The following LY6H variants were observed in gnomAD, a reference collection of about 807,000 sequenced individuals.
LY6H encodes the protein lymphocyte antigen 6 family member H.
Under a neutral mutation model 14.6 loss-of-function variants are expected in LY6H, and 8 were observed. The observed-to-expected ratio is 0.55, with a 90% CI of 0.32 to 0.99. The LOEUF (loss-of-function observed/expected upper bound fraction) is 0.99, where lower values mean the gene tolerates loss of function less well. Ranked by LOEUF, LY6H falls within the 50% of genes least tolerant of loss-of-function variation. LY6H has a pLI of 0.04. For synonymous variants in LY6H, 115 were observed against 97.2 expected (o/e 1.18, Z -1.08); for missense variants, 196 against 219.6 (o/e 0.89, Z 0.68).
At chr8:143,160,134 C>T in intron 1 of LY6H, 64 bp downstream of exon 1, 1 of 1,236,916 alleles carries the variant, frequency 8.1e-7, no homozygotes, top group East Asian at 3.0e-5. Flanking sequence ...CTTCCGCGCG[C>T]GCCTCGGCGC....
Position 143,159,895 on chromosome 8 carries a change from G to A in LY6H, c.3-186C>T, listed in dbSNP as rs1443198742. 35 of 1,152,464 alleles carry A rather than the reference G, an allele frequency of 3.0e-5. No homozygotes were observed. In the Admixed American group the frequency reaches 6.7e-4, roughly 22 times the overall value. The allele number at this position is 1,152,464 out of a possible 1,614,324, so 71.4% of individuals were successfully genotyped here. ...CGCCGGGAGACGTCTGGCCTCTGGG[G>A]CGAGGTGACAGCTCGAGACGCCTCC... On this transcript the variant is annotated intron_variant, in intron 1 of 3. Coordinates refer to ENST00000342752, the MANE Select transcript of LY6H (RefSeq NM_001135655.2).
At position 143,160,285 on chromosome 8, in the gene LY6H, G is replaced by C. The variant is rs927414507; in HGVS notation, c.-86C>G. The C allele has an allele frequency of 3.1e-5, 35 of 1,140,218 alleles. No homozygotes were observed. In the East Asian group the frequency reaches 3.1e-4, roughly 10 times the overall value. 70.6% of individuals were successfully genotyped at this position (1,140,218 alleles called of 1,614,324 possible). On this transcript the variant is annotated 5_prime_UTR_variant, in exon 1 of 4. Coordinates refer to ENST00000342752, the MANE Select transcript of LY6H (RefSeq NM_001135655.2). ...CGGTCTCCCTGCGGACCGGAATCCG[G>C]GCGCAGCCTCGTCTTTCGGGGAACG...
In LY6H at chr8:143,158,824, G is replaced by A. The variant is rs151331428; in HGVS notation, c.229C>T (p.Arg77Ter). 21 of 1,596,644 alleles carry A rather than the reference G, an allele frequency of 1.3e-5. No individual in the cohort carries two copies. The highest frequency in any genetic ancestry group is 2.2e-5 in the East Asian group (1 of 44,476). The change falls in exon 3 of 4, where the codon CGA becomes TGA. Residue 77 changes from arginine to a stop codon, truncating the protein, a stop_gained. Coordinates refer to ENST00000342752, the MANE Select transcript of LY6H (RefSeq NM_001135655.2). LOFTEE classifies it high-confidence loss of function. ...TTACTGCTGCTGGGATCGGTGATTC[G>A]GACACTGGCACACACCGTGTCGGAC... ...QPSDTVCASV[R>*]ITDPSSSRKD...
intron 2 of LY6H, 140 bp downstream of exon 2, chr8:143,159,442 C>T: frequency 2.0e-6 from 2 of 999,264 alleles, no homozygotes; most frequent in Non-Finnish European, 2.7e-6. Flanking sequence ...GGGCTGGGGT[C>T]GCAGGGGTCC....
chr8:143,159,849 C>T (rs1815554500), intron 1 of LY6H, 140 bp from the exon 2 acceptor site: 1 of 1,142,642 alleles, frequency 8.8e-7, no homozygotes, highest in Non-Finnish European at 1.1e-6. Flanking sequence ...TTCTCCAGAG[C>T]GTCCGCCGTC....
intron 2 of LY6H, 101 bp from the exon 3 acceptor site, chr8:143,159,023 G>A: frequency 1.3e-6 from 2 of 1,501,144 alleles, no homozygotes; most frequent in Non-Finnish European, 1.8e-6. Context: ...GCACTCCTGG[G>A]AGAGCCCGAC....
intron 2 of LY6H, 131 bp from the exon 3 acceptor site, chr8:143,159,053 C>G: frequency 7.9e-7 from 1 of 1,269,482 alleles, no homozygotes; most frequent in Non-Finnish European, 1.1e-6. Flanking sequence ...GGGAGCAGGC[C>G]CCCATGACCC....
intron 3 of LY6H, 136 bp downstream of exon 3, chr8:143,158,666 GA>G: frequency 7.9e-7 from 1 of 1,265,380 alleles, no homozygotes; most frequent in Non-Finnish European, 1.1e-6. Context: ...GCCAGGGGGG[GA>G]CAGCAGGACA....
Position 143,158,830 on chromosome 8 carries a change from T to C in LY6H, c.223A>G (p.Ser75Gly). 6.2e-7 allele frequency: 1 copy of C among 1,601,046 alleles called. No individual in the cohort carries two copies. The highest frequency in any genetic ancestry group is 8.5e-7 in the Non-Finnish European group (1 of 1,170,376). ...QCQPSDTVCA[S>G]VRITDPSSSR... is the part of the protein sequence containing the mutation. The stretch of plus-strand genomic sequence containing the variant: ...CTGCTGGGATCGGTGATTCGGACAC[T>C]GGCACACACCGTGTCGGACGGCTGG... Residue 75 changes from serine (S) to glycine (G), a missense_variant, in exon 3 of 4, where the codon AGT (serine) becomes GGT (glycine). Coordinates refer to ENST00000342752, the MANE Select transcript of LY6H (RefSeq NM_001135655.2).
intron 2 of LY6H, 68 bp from the exon 3 acceptor site, chr8:143,158,990 C>T (rs1407141518): frequency 2.6e-6 from 4 of 1,557,016 alleles, no homozygotes; most frequent in South Asian, 1.2e-5. Flanking sequence ...CCCCTGCGCC[C>T]CCCACCCATC....
intron 2 of LY6H, 191 bp downstream of exon 2, chr8:143,159,391 G>T: frequency 1.6e-6 from 1 of 639,920 alleles, no homozygotes; most frequent in Non-Finnish European, 2.5e-6. Context: ...GAGGAAGAGC[G>T]CTGGAGAGAG....
intron 2 of LY6H, 116 bp from the exon 3 acceptor site, chr8:143,159,038 C>T (rs560014021): frequency 2.6e-5 from 36 of 1,409,330 alleles, no homozygotes; most frequent in Middle Eastern, 2.3e-4. Flanking sequence ...CCCGACCCCA[C>T]GGGAGGGAGC....
intron 2 of LY6H, chr8:143,159,185 C>T (rs1190125968): frequency 6.7e-6 from 4 of 593,684 alleles, no homozygotes; most frequent in Non-Finnish European, 1.2e-5. Flanking sequence ...AACACACACA[C>T]GGGCTATACA....
At chr8:143,158,767 T>G in intron 3 of LY6H, 36 bp downstream of exon 3, 1 of 1,556,620 alleles carries the variant, frequency 6.4e-7, no homozygotes, top group Non-Finnish European at 8.7e-7. Context: ...AGCCTGGCTT[T>G]TAGCACATTC....
At position 143,159,590 on chromosome 8, in the gene LY6H, G is replaced by A. The variant is rs948110223; in HGVS notation, c.122C>T (p.Ser41Leu). The A allele has an allele frequency of 1.0e-5, 15 of 1,501,906 alleles. No homozygotes were observed. Among genetic ancestry groups the A allele is most frequent in the South Asian group, 9.8e-5 (8 of 81,518 alleles). The allele number at this position is 1,501,906 out of a possible 1,614,324, so 93.0% of individuals were successfully genotyped here. Residue 41 changes from serine (S) to leucine (L), a missense_variant, in exon 2 of 4, where the codon TCG becomes TTG. Physicochemically the swap from Ser to Leu is moderately radical, Grantham distance 145 (BLOSUM62 -2). Transcript: ENST00000342752. ...GCGGGCCCCCTACTCACCGGGCGCC[G>A]AGCACAGCAGGACGGCCAGCAGCGC... Reference protein sequence around the residue: ...GLALLAVLLCSAPAHGLWCQD... With the variant: ...GLALLAVLLCLAPAHGLWCQD...
At chr8:143,160,067 C>A in intron 1 of LY6H, 131 bp downstream of exon 1, 1 of 899,588 alleles carries the variant, frequency 1.1e-6, no homozygotes, top group East Asian at 3.3e-5. Flanking sequence ...GCCAGGTCCC[C>A]ACCCCCACCC....
chr8:143,159,779 TCTC>T (rs1815552486), intron 1 of LY6H, 70 bp from the exon 2 acceptor site: 1 of 1,295,986 alleles, frequency 7.7e-7, no homozygotes. Context: ...GATGCAACCT[TCTC>T]CCCGGAATCC....
chr8:143,158,331 T>C lies in LY6H; in HGVS notation c.405A>G (p.Ala135=), dbSNP rs1466683354. 1 of 1,613,800 alleles carries C rather than the reference T, an allele frequency of 6.2e-7. No individual in the cohort carries two copies. The highest frequency in any genetic ancestry group is 1.1e-5 in the South Asian group (1 of 91,088). Residue 135 remains alanine, a synonymous_variant, in exon 4 of 4, where the codon GCA becomes GCG. Transcript: ENST00000342752. The part of the protein sequence containing the change: ...CCEKDLCNGA[A]GAGHSPWALA... ...GGGCCCAGGGGCTGTGCCCTGCCCC[T>C]GCCGCCCCATTGCACAAATCCTTCT...
chr8:143,160,264 CT>C lies in LY6H; in HGVS notation c.-66del. ...GGCGCGGGGAGCTGTGCCCTTCGGT[CT>C]CCCTGCGGACCGGAATCCGGGCGCA... On this transcript the variant is annotated 5_prime_UTR_variant, in exon 1 of 4. Transcript: ENST00000342752. The C allele has an allele frequency of 8.0e-7, 1 of 1,251,338 alleles. No homozygotes were observed. Among genetic ancestry groups the C allele is most frequent in the Non-Finnish European group, 1.0e-6 (1 of 991,654 alleles). 77.5% of individuals were successfully genotyped at this position (1,251,338 alleles called of 1,614,324 possible).
Sources: allele counts gnomAD v4.1 joint callset, GRCh38; gene constraint gnomAD v4.1.1; transcripts MANE v1.5; gene names NCBI Gene and HGNC (gene_info 2026-07-23, HGNC 2026-07-21).